The following LRP1B variants were observed in gnomAD, a reference collection of about 807,000 sequenced individuals.
LRP1B encodes the protein LDL receptor related protein 1B.
A neutral mutation model predicts 556.6 loss-of-function variants in LRP1B; 217 were observed. That is an observed-to-expected ratio of 0.39 (90% confidence interval 0.35 to 0.44). The LOEUF is 0.44. Among genes scored for constraint, LRP1B ranks in the 20% least tolerant of loss-of-function variants. The pLI is 1.00. For missense variants in LRP1B, 5,053 were observed against 5,620.8 expected (o/e 0.90, Z 3.23); for synonymous variants, 2,047 against 1,865.8 (o/e 1.10, Z -2.50).
chr2:140,457,349 A>T, intron 61 of LRP1B, 114 bp downstream of exon 61: 1 of 823,912 alleles, frequency 1.2e-6, no homozygotes, highest in Non-Finnish European at 1.9e-6. Context: ...CTAAATAATT[A>T]AATCTAGTAA....
intron 2 of LRP1B, among the ~76,000 whole-genome samples, chr2:141,746,889 C>T (rs1318361716): frequency 6.6e-6 from 1 of 152,082 alleles, no homozygotes; most frequent in Non-Finnish European, 1.5e-5. Context: ...CATATAGATG[C>T]AAGTGATATT....
At chr2:140,883,713 A>G in intron 25 of LRP1B, 104 bp downstream of exon 25, 1 of 1,146,994 alleles carries the variant, frequency 8.7e-7, no homozygotes, top group East Asian at 2.4e-5. Flanking sequence ...ATGGGCACAA[A>G]ATAACCACTT....
At chr2:141,185,171 C>T (rs1681186251) in intron 7 of LRP1B, among the ~76,000 whole-genome samples, 1 of 152,066 alleles carries the variant, frequency 6.6e-6, no homozygotes, top group South Asian at 2.1e-4. Context: ...TTCAACAGCC[C>T]TGCAGGGCAG....
At chr2:141,912,988 G>C (rs1699943730) in intron 1 of LRP1B, among the ~76,000 whole-genome samples, 1 of 152,090 alleles carries the variant, frequency 6.6e-6, no homozygotes, top group African/African-American at 2.4e-5. Context: ...AAATAAATTT[G>C]TATGTTTTTC....
At chr2:141,023,099 A>T (rs1470460324) in intron 11 of LRP1B, among the ~76,000 whole-genome samples, 1 of 151,942 alleles carries the variant, frequency 6.6e-6, no homozygotes, top group East Asian at 1.9e-4. Context: ...AAGATATTGC[A>T]CATTTACTCA....
At chr2:140,713,480 TTA>T (rs1687107686) in intron 37 of LRP1B, among the ~76,000 whole-genome samples, 1 of 152,050 alleles carries the variant, frequency 6.6e-6, no homozygotes, top group African/African-American at 2.4e-5. Flanking sequence ...TAAAGATTCT[TTA>T]TGTTAAAGAA....
rs114065233 is a variant in LRP1B at position 141,214,965 on chromosome 2, G to A, written c.850+14218C>T. ...CTAAATTTATTCTAAAAACAGATAGGCACTTTGCTAAAATGGGATATAGAG... is the reference window on the plus strand; with the variant it reads ...CTAAATTTATTCTAAAAACAGATAGACACTTTGCTAAAATGGGATATAGAG... On this transcript the variant is annotated intron_variant, in intron 6 of 90. Coordinates refer to ENST00000389484, the MANE Select transcript of LRP1B (RefSeq NM_018557.3). 5.4e-3 allele frequency among the ~76,000 whole-genome samples: 827 copies of A among 152,252 alleles called. 10 individuals carry two copies. Among genetic ancestry groups the A allele is most frequent in the African/African-American group, 0.019 (781 of 41,534 alleles).
Position 142,093,530 on chromosome 2 carries a change from C to G in LRP1B, c.82+37118G>C, listed in dbSNP as rs141499270. On this transcript the variant is annotated intron_variant, in intron 1 of 90. Transcript: ENST00000389484. Reference sequence around the variant, plus strand: ...TACAGTAGTGAAAATGTCCCCCTCTCCTTATAGTCCACATCACATATCCAT... The same window carrying G: ...TACAGTAGTGAAAATGTCCCCCTCTGCTTATAGTCCACATCACATATCCAT... 3.5e-3 allele frequency among the ~76,000 whole-genome samples: 529 copies of G among 152,188 alleles called. 2 individuals are homozygous for G. Among genetic ancestry groups the G allele is most frequent in the African/African-American group, 0.012 (481 of 41,558 alleles).
At chr2:142,040,307 T>C (rs1186085599) in intron 1 of LRP1B, among the ~76,000 whole-genome samples, 5 of 151,454 alleles carry the variant, frequency 3.3e-5, no homozygotes, top group Non-Finnish European at 7.4e-5. Flanking sequence ...CAGTCTTCTA[T>C]AGCATCTGTT....
Position 140,900,435 on chromosome 2 carries a change from C to T in LRP1B, c.3766+2485G>A, listed in dbSNP as rs72990131. Among the ~76,000 whole-genome samples, 402 of 152,218 alleles carry T rather than the reference C, an allele frequency of 2.6e-3. 1 individual carries two copies. The highest frequency in any genetic ancestry group is 9.4e-3 in the African/African-American group (390 of 41,534). Reference sequence around the variant, plus strand: ...AATTGCTGTTTTTCAGCCTCTCAAGCCAATTACTTTGTGTGAGAATATTGA... The same window carrying T: ...AATTGCTGTTTTTCAGCCTCTCAAGTCAATTACTTTGTGTGAGAATATTGA... On this transcript the variant is annotated intron_variant, in intron 23 of 90. Transcript: ENST00000389484.
chr2:141,173,378 A>G (rs1049191533), intron 7 of LRP1B, among the ~76,000 whole-genome samples: 2 of 152,024 alleles, frequency 1.3e-5, no homozygotes, highest in South Asian at 4.1e-4. Flanking sequence ...CCTAACATAA[A>G]CTTGACTATG....
chr2:140,321,769 TG>T (rs943794860), intron 82 of LRP1B, among the ~76,000 whole-genome samples, 193 bp downstream of exon 82: 2 of 152,224 alleles, frequency 1.3e-5, no homozygotes, highest in Non-Finnish European at 2.9e-5. Context: ...AATGCTGCTT[TG>T]TGAATAAATG....
intron 7 of LRP1B, among the ~76,000 whole-genome samples, chr2:141,157,913 A>G (rs1221019754): frequency 6.6e-6 from 1 of 152,164 alleles, no homozygotes; most frequent in African/African-American, 2.4e-5. Flanking sequence ...TAGTTATTGA[A>G]GTCTGCACAA....
intron 1 of LRP1B, among the ~76,000 whole-genome samples, chr2:141,980,297 G>A (rs2105093444): frequency 6.6e-6 from 1 of 152,046 alleles, no homozygotes; most frequent in Admixed American, 6.6e-5. Flanking sequence ...CCTGATAGAG[G>A]GCCACCAACC....
intron 1 of LRP1B, among the ~76,000 whole-genome samples, chr2:142,028,548 C>T (rs1351913534): frequency 6.6e-6 from 1 of 151,904 alleles, no homozygotes; most frequent in Non-Finnish European, 1.5e-5. Flanking sequence ...TATGGATGTA[C>T]CATAGTTCAT....
chr2:141,512,753 C>T (rs547412689), intron 2 of LRP1B, among the ~76,000 whole-genome samples: 2 of 150,426 alleles, frequency 1.3e-5, no homozygotes, highest in African/African-American at 2.4e-5. Flanking sequence ...GTATCCTACA[C>T]ATAGTACATC....
intron 1 of LRP1B, among the ~76,000 whole-genome samples, chr2:141,977,695 G>T (rs542014183): frequency 6.6e-6 from 1 of 152,232 alleles, no homozygotes; most frequent in South Asian, 2.1e-4. Context: ...ATATCATCTT[G>T]GGTTTAATAT....
chr2:141,316,632 T>C (rs1456566093), intron 3 of LRP1B, among the ~76,000 whole-genome samples: 2 of 152,256 alleles, frequency 1.3e-5, no homozygotes, highest in East Asian at 1.9e-4. Context: ...GCCACATATA[T>C]GTCAAAAGAA....
rs140801406 is a variant in LRP1B, at chr2:140,534,126, G to A, written c.7657C>T (p.Arg2553Ter). ...KLLYCENRSC[R>*]RGFKPCYNRR... is the part of the protein sequence containing the mutation. ...TTATAGCATGGCTTGAAGCCTCTTC[G>A]ACAGCTTCTGTTTTCTTATAAATAA... Residue 2553 changes from arginine to a stop codon, truncating the protein, a stop_gained, in exon 47 of 91, where the codon CGA (arginine) becomes TGA (stop). Coordinates refer to ENST00000389484, the MANE Select transcript of LRP1B (RefSeq NM_018557.3). LOFTEE classifies it high-confidence loss of function. 3 of 1,612,240 alleles carry A rather than the reference G, an allele frequency of 1.9e-6. No individual in the cohort carries two copies. Among genetic ancestry groups the A allele is most frequent in the Non-Finnish European group, 2.5e-6 (3 of 1,179,000 alleles).
Sources: allele counts gnomAD v4.1 joint callset (sites outside exome capture counted in the v4.1 genomes callset), GRCh38; gene constraint gnomAD v4.1.1; transcripts MANE v1.5; gene names NCBI Gene and HGNC (gene_info 2026-07-23, HGNC 2026-07-21).